The following HS3ST5 variants were observed in gnomAD, a reference collection of about 807,000 sequenced individuals.
HS3ST5 encodes heparan sulfate glucosamine 3-O-sulfotransferase 5.
Under a neutral mutation model 25.4 loss-of-function variants are expected in HS3ST5, and 10 were observed. The ratio of observed to expected loss-of-function variants is 0.39; its 90% CI spans 0.24 to 0.67. HS3ST5 has a LOEUF of 0.67. HS3ST5 is among the 30% of genes least tolerant of loss of function. The probability of loss-of-function intolerance (pLI) is 0.44; values close to 1 mark genes in which losing one functional copy is unlikely to be tolerated. For synonymous variants in HS3ST5, 170 were observed against 162.4 expected, an observed-to-expected ratio of 1.05 and a Z score of -0.36; for missense variants, 324 against 420.7, an observed-to-expected ratio of 0.77 and a Z score of 2.01.
intron 2 of HS3ST5, among the ~76,000 whole-genome samples, chr6:114,169,897 G>A (rs1779396326): frequency 6.6e-6 from 1 of 152,150 alleles, no homozygotes; most frequent in Middle Eastern, 3.4e-3. Flanking sequence ...ATGCAAACTT[G>A]CCTTTAAATT....
intron 2 of HS3ST5, among the ~76,000 whole-genome samples, chr6:114,170,112 C>CT (rs1467648708): frequency 1.3e-5 from 2 of 152,038 alleles, no homozygotes; most frequent in East Asian, 3.9e-4. Context: ...AGAGAGAGCC[C>CT]TTTAAAAGAC....
At chr6:114,340,621 T>C (rs1034373923) in intron 1 of HS3ST5, 1 of 152,206 alleles carries the variant, frequency 6.6e-6, no homozygotes, top group Non-Finnish European at 1.5e-5. Context: ...GGAAGGTAAG[T>C]AGTATTGTTT....
At chr6:114,198,167 G>T (rs1368528813) in intron 2 of HS3ST5, among the ~76,000 whole-genome samples, 1 of 151,948 alleles carries the variant, frequency 6.6e-6, no homozygotes, top group Non-Finnish European at 1.5e-5. Context: ...CAACAGACTA[G>T]GCCAAGCAGA....
At chr6:114,062,234 G>A (rs772777486) in intron 4 of HS3ST5, among the ~76,000 whole-genome samples, 8 of 152,160 alleles carry the variant, frequency 5.3e-5, no homozygotes, top group Admixed American at 1.3e-4. Flanking sequence ...GAAAACCAGA[G>A]CTAATTAACA....
intron 1 of HS3ST5, among the ~76,000 whole-genome samples, chr6:114,245,846 A>G (rs1422539422): frequency 6.6e-6 from 1 of 152,240 alleles, no homozygotes; most frequent in East Asian, 1.9e-4. Context: ...GAAAAGCTGC[A>G]TACATGTGGG....
chr6:114,311,371 G>A (rs2349215), intron 1 of HS3ST5, among the ~76,000 whole-genome samples: 94,137 of 151,816 alleles, frequency 0.62, 29,451 homozygotes, highest in Non-Finnish European at 0.66. Flanking sequence ...TGCTTATTCT[G>A]AGTAGAACGG....
chr6:114,113,741 T>C (rs1776381907), intron 3 of HS3ST5, among the ~76,000 whole-genome samples: 1 of 152,068 alleles, frequency 6.6e-6, no homozygotes, highest in Non-Finnish European at 1.5e-5. Flanking sequence ...TTCAATAATT[T>C]TTTTAATGAC....
chr6:114,283,680 A>G (rs1419112883), intron 1 of HS3ST5, among the ~76,000 whole-genome samples: 3 of 151,980 alleles, frequency 2.0e-5, no homozygotes, highest in Admixed American at 6.6e-5. Context: ...TCTTTTAGGA[A>G]AAAAGAAAAC....
At chr6:114,191,884 A>G (rs555778541) in intron 2 of HS3ST5, among the ~76,000 whole-genome samples, 69 of 152,298 alleles carry the variant, frequency 4.5e-4, no homozygotes, top group African/African-American at 1.6e-3. Context: ...ATGAAGACAT[A>G]TGTATCTCCC....
intron 1 of HS3ST5, among the ~76,000 whole-genome samples, chr6:114,301,700 T>G (rs1486507023): frequency 6.6e-6 from 1 of 152,168 alleles, no homozygotes; most frequent in African/African-American, 2.4e-5. Flanking sequence ...ACTGACACTC[T>G]CCTTAGCTCT....
chr6:114,140,667 T>C (rs1231571362), intron 3 of HS3ST5, among the ~76,000 whole-genome samples: 1 of 152,172 alleles, frequency 6.6e-6, no homozygotes, highest in African/African-American at 2.4e-5. Flanking sequence ...GCTCCAACGG[T>C]ACACAGAAGA....
At chr6:114,138,662 C>A (rs1197546878) in intron 3 of HS3ST5, among the ~76,000 whole-genome samples, 2 of 152,156 alleles carry the variant, frequency 1.3e-5, no homozygotes, top group African/African-American at 4.8e-5. Flanking sequence ...GGTAAAAAAT[C>A]CTGAGTTGTA....
intron 3 of HS3ST5, among the ~76,000 whole-genome samples, chr6:114,077,558 T>C (rs1050882842): frequency 2.6e-5 from 4 of 152,212 alleles, no homozygotes; most frequent in African/African-American, 9.6e-5. Context: ...TTAATATACA[T>C]GGTCCAAACA....
At chr6:114,190,530 A>G (rs1354803829) in intron 2 of HS3ST5, among the ~76,000 whole-genome samples, 2 of 152,218 alleles carry the variant, frequency 1.3e-5, no homozygotes, top group African/African-American at 4.8e-5. Flanking sequence ...GTTGGAAGGT[A>G]GTTAAGGCAC....
intron 1 of HS3ST5, among the ~76,000 whole-genome samples, chr6:114,315,419 T>C (rs1775707577): frequency 1.3e-5 from 2 of 152,182 alleles, no homozygotes; most frequent in Non-Finnish European, 2.9e-5. Flanking sequence ...AACAAACTAC[T>C]AGAAACTTTG....
chr6:114,313,284 T>G (rs1449084559), intron 1 of HS3ST5, among the ~76,000 whole-genome samples: 1 of 152,174 alleles, frequency 6.6e-6, no homozygotes, highest in Non-Finnish European at 1.5e-5. Context: ...GAAAACAGTT[T>G]GATAGCCTTA....
chr6:114,331,352 T>C (rs919435835), intron 1 of HS3ST5, among the ~76,000 whole-genome samples: 1 of 152,220 alleles, frequency 6.6e-6, no homozygotes, highest in Non-Finnish European at 1.5e-5. Context: ...TCTACTTTTT[T>C]ATTGCTCAAG....
intron 3 of HS3ST5, among the ~76,000 whole-genome samples, chr6:114,094,282 G>A (rs1775304904): frequency 6.6e-6 from 1 of 152,212 alleles, no homozygotes; most frequent in African/African-American, 2.4e-5. Context: ...TTTAAAGTTA[G>A]TTTTGATACT....
chr6:114,303,780 T>A (rs938368221), intron 1 of HS3ST5, among the ~76,000 whole-genome samples: 1 of 152,184 alleles, frequency 6.6e-6, no homozygotes, highest in African/African-American at 2.4e-5. Flanking sequence ...ATATAATGCA[T>A]GCAATTATTT....
Sources: allele counts gnomAD v4.1 joint callset (sites outside exome capture counted in the v4.1 genomes callset), GRCh38; gene constraint gnomAD v4.1.1; transcripts MANE v1.5; gene names NCBI Gene and HGNC (gene_info 2026-07-23, HGNC 2026-07-21).